DOK5: variants seen among roughly 807,000 people sequenced by gnomAD.
DOK5 encodes downstream of tyrosine kinase 5.
DOK5 carries 27 observed loss-of-function variants against 43.3 expected under a neutral mutation model. That is an observed-to-expected ratio of 0.62 (90% confidence interval 0.46 to 0.86). DOK5 has a LOEUF of 0.86. Among genes scored for constraint, DOK5 ranks in the 40% least tolerant of loss-of-function variants. The pLI, the probability that DOK5 is intolerant of heterozygous loss-of-function variation, is 0.00. For synonymous variants in DOK5, 146 were observed against 140.1 expected (o/e 1.04, Z -0.30); for missense variants, 373 against 392.9 (o/e 0.95, Z 0.43).
At chr20:54,489,309 CT>C (rs1005477994) in intron 1 of DOK5, among the ~76,000 whole-genome samples, 6 of 152,154 alleles carry the variant, frequency 3.9e-5, no homozygotes, top group Non-Finnish European at 7.4e-5. Context: ...TTCCTTTCAT[CT>C]CCATTTCCTA....
At position 54,503,501 on chromosome 20, in the gene DOK5, T is replaced by G. The variant is rs182142493; in HGVS notation, c.66+27489T>G. ...GAAAAGTAATGAAGTGTTTCCCAAA[T>G]GTCATTTATTCATCCTCTTCACAGT... On this transcript the variant is annotated intron_variant, in intron 1 of 7. Transcript: ENST00000262593. 4.0e-3 allele frequency among the ~76,000 whole-genome samples: 609 copies of G among 152,230 alleles called. 5 individuals are homozygous for G. Among genetic ancestry groups the G allele is most frequent in the African/African-American group, 0.014 (560 of 41,472 alleles).
chr20:54,480,918 TATCTATCAATCATCTATC>T (rs1434667293), intron 1 of DOK5, among the ~76,000 whole-genome samples: 5 of 143,228 alleles, frequency 3.5e-5, no homozygotes, highest in South Asian at 2.1e-4. Context: ...TCTATCTATC[TATCTATCAATCATCTATC>T]ATCTATCTAT....
At chr20:54,534,169 T>A (rs1983873620) in intron 1 of DOK5, among the ~76,000 whole-genome samples, 1 of 152,162 alleles carries the variant, frequency 6.6e-6, no homozygotes, top group African/African-American at 2.4e-5. Context: ...AGGAGAGAGA[T>A]GAAATTGATT....
intron 1 of DOK5, among the ~76,000 whole-genome samples, chr20:54,482,919 G>A (rs1981779273): frequency 6.6e-6 from 1 of 152,206 alleles, no homozygotes; most frequent in Non-Finnish European, 1.5e-5. Flanking sequence ...AAGAGGCTTT[G>A]GGATAACTTT....
chr20:54,591,204 T>A (rs1010451954), intron 4 of DOK5, among the ~76,000 whole-genome samples: 1 of 152,240 alleles, frequency 6.6e-6, no homozygotes, highest in Non-Finnish European at 1.5e-5. Context: ...CATGGAACCA[T>A]GACATAATTG....
chr20:54,611,331 G>A (rs1263842555), intron 6 of DOK5, among the ~76,000 whole-genome samples: 1 of 152,118 alleles, frequency 6.6e-6, no homozygotes, highest in African/African-American at 2.4e-5. Context: ...TCAGGCTGAG[G>A]CAGACTGATT....
intron 1 of DOK5, among the ~76,000 whole-genome samples, chr20:54,496,398 G>A (rs2041878782): frequency 2.0e-5 from 3 of 152,186 alleles, no homozygotes; most frequent in Admixed American, 2.0e-4. Context: ...AGAGAGGCAT[G>A]CAAGTGAAGA....
intron 2 of DOK5, among the ~76,000 whole-genome samples, chr20:54,574,162 G>A (rs1985383149): frequency 6.6e-6 from 1 of 152,148 alleles, no homozygotes; most frequent in Admixed American, 6.5e-5. Context: ...TGCCTGGGGA[G>A]GTTTTGAAGG....
At position 54,475,812 on chromosome 20, in the gene DOK5, C is replaced by T; in HGVS notation, c.-135C>T. The T allele has an allele frequency of 1.9e-6, 2 of 1,066,464 alleles. No individual in the cohort carries two copies. Among genetic ancestry groups the T allele is most frequent in the South Asian group, 1.5e-5 (1 of 68,876 alleles). The allele number at this position is 1,066,464 out of a possible 1,614,324, so 66.1% of individuals were successfully genotyped here. ...GTGATGTGCGCCTTCTAAAGCCTCGCCCAGCGCCGCCGAAGCAGCTTCACC... is the reference window on the plus strand; with the variant it reads ...GTGATGTGCGCCTTCTAAAGCCTCGTCCAGCGCCGCCGAAGCAGCTTCACC... On this transcript the variant is annotated 5_prime_UTR_variant, in exon 1 of 8. Coordinates refer to ENST00000262593, the MANE Select transcript of DOK5 (RefSeq NM_018431.5). The surrounding 1 kb of genome is among the most constrained non-coding windows in gnomAD (Gnocchi z 4.2).
At position 54,643,496 on chromosome 20, in the gene DOK5, C is replaced by T; in HGVS notation, c.774C>T (p.Ser258=). ...TGAGTGAGCGGGCCGCCTCGCTGAGCACCATGGTGCCCCTGCCTCGCAGCG... is the reference window on the plus strand; with the variant it reads ...TGAGTGAGCGGGCCGCCTCGCTGAGTACCATGGTGCCCCTGCCTCGCAGCG... ...MKMSERAASL[S]TMVPLPRSAY... Residue 258 remains serine (S), a synonymous_variant, in exon 7 of 8, where the codon AGC becomes AGT. Transcript: ENST00000262593. 1 of 1,613,692 alleles carries T rather than the reference C, an allele frequency of 6.2e-7. No individual in the cohort carries two copies. The highest frequency in any genetic ancestry group is 1.3e-5 in the African/African-American group (1 of 75,082).
rs192239360 is a variant in DOK5 at position 54,536,435 on chromosome 20, G to A, written c.67-18498G>A. ...AGGCTTCCACTTTTGGGAACAGTGA[G>A]TAGGTGTGCCTTTTCTTACTCCTCT... On this transcript the variant is annotated intron_variant, in intron 1 of 7. Transcript: ENST00000262593. Among the ~76,000 whole-genome samples, 197 of 152,304 alleles carry A rather than the reference G, an allele frequency of 1.3e-3. 1 individual carries two copies. Among genetic ancestry groups the A allele is most frequent in the Non-Finnish European group, 9.7e-4 (66 of 68,020 alleles).
intron 5 of DOK5, among the ~76,000 whole-genome samples, chr20:54,594,678 CTTTT>C (rs1348876419): frequency 6.6e-6 from 1 of 151,930 alleles, no homozygotes; most frequent in Admixed American, 6.6e-5. Context: ...ATTTTAAAAT[CTTTT>C]TTTATTTACC....
chr20:54,509,085 AG>A (rs1309838893), intron 1 of DOK5, among the ~76,000 whole-genome samples: 5 of 152,146 alleles, frequency 3.3e-5, no homozygotes, highest in Non-Finnish European at 5.9e-5. Flanking sequence ...CATGTTGGCC[AG>A]GCCGGTCTTG....
chr20:54,542,216 C>G (rs1984189497), intron 1 of DOK5, among the ~76,000 whole-genome samples: 1 of 151,870 alleles, frequency 6.6e-6, no homozygotes, highest in South Asian at 2.1e-4. Flanking sequence ...TTGTTCATAG[C>G]CATAGCCCCT....
chr20:54,569,450 AC>A (rs2146745901), intron 2 of DOK5, among the ~76,000 whole-genome samples: 1 of 152,318 alleles, frequency 6.6e-6, no homozygotes, highest in African/African-American at 2.4e-5. Flanking sequence ...AAATTGGTGG[AC>A]AAAAATGTTT....
intron 1 of DOK5, among the ~76,000 whole-genome samples, chr20:54,477,126 C>T (rs1981462606): frequency 1.3e-5 from 2 of 151,932 alleles, no homozygotes; most frequent in South Asian, 4.2e-4. Context: ...TGTGGAATGC[C>T]GCCATTGATA....
chr20:54,533,529 T>C (rs987893125), intron 1 of DOK5, among the ~76,000 whole-genome samples: 3 of 152,176 alleles, frequency 2.0e-5, no homozygotes, highest in African/African-American at 7.2e-5. Flanking sequence ...AACAAAAGAA[T>C]GCATAATAAT....
chr20:54,549,110 AGAGG>A (rs1002167012), intron 1 of DOK5, among the ~76,000 whole-genome samples: 21 of 152,354 alleles, frequency 1.4e-4, no homozygotes, highest in African/African-American at 4.6e-4. Context: ...GGCAGCCCCA[AGAGG>A]GAGACACAGC....
intron 1 of DOK5, among the ~76,000 whole-genome samples, chr20:54,520,360 A>T (rs1239194568): frequency 6.6e-6 from 1 of 152,032 alleles, no homozygotes; most frequent in Non-Finnish European, 1.5e-5. Context: ...CTAGGTCAAG[A>T]TTTCATATAT....
Sources: allele counts gnomAD v4.1 joint callset (sites outside exome capture counted in the v4.1 genomes callset), GRCh38; gene constraint gnomAD v4.1.1; non-coding constraint Gnocchi (gnomAD v3.1); transcripts MANE v1.5; gene names NCBI Gene and HGNC (gene_info 2026-07-23, HGNC 2026-07-21).